CYSTM1: variants seen among roughly 807,000 people sequenced by gnomAD.
CYSTM1 encodes cysteine rich transmembrane module containing 1.
CYSTM1 carries 4 observed loss-of-function variants against 13.1 expected under a neutral mutation model. The observed-to-expected ratio is 0.31, with a 90% CI of 0.15 to 0.70. The LOEUF (loss-of-function observed/expected upper bound fraction) is 0.70. CYSTM1 is among the 30% of genes least tolerant of loss of function. The pLI, the probability that CYSTM1 is intolerant of heterozygous loss-of-function variation, is 0.72. For synonymous variants in CYSTM1, 36 were observed against 42.7 expected (o/e 0.84, Z 0.62); for missense variants, 96 against 121.6 (o/e 0.79, Z 0.99).
At chr5:140,186,148 C>G (rs181524796) in intron 1 of CYSTM1, among the ~76,000 whole-genome samples, 1 of 152,270 alleles carries the variant, frequency 6.6e-6, no homozygotes, top group Non-Finnish European at 1.5e-5. Flanking sequence ...TTCTTTACCT[C>G]TTATCTCCAG....
At chr5:140,210,072 CT>C (rs1764344120) in intron 2 of CYSTM1, among the ~76,000 whole-genome samples, 1 of 152,168 alleles carries the variant, frequency 6.6e-6, no homozygotes, top group East Asian at 1.9e-4. Flanking sequence ...AGTAATAATG[CT>C]CATAAAAATT....
chr5:140,179,379 C>A (rs1049200608), intron 1 of CYSTM1, among the ~76,000 whole-genome samples: 1 of 151,608 alleles, frequency 6.6e-6, no homozygotes, highest in African/African-American at 2.4e-5. Context: ...GCCAACATGG[C>A]GAAACCCTGT....
At chr5:140,210,384 A>C (rs1443632044) in intron 2 of CYSTM1, among the ~76,000 whole-genome samples, 1 of 152,218 alleles carries the variant, frequency 6.6e-6, no homozygotes, top group Non-Finnish European at 1.5e-5. Flanking sequence ...ATTAAATACC[A>C]GTAGTAGCAA....
chr5:140,212,042 A>G (rs568775896), intron 2 of CYSTM1, among the ~76,000 whole-genome samples: 44 of 152,326 alleles, frequency 2.9e-4, no homozygotes, highest in Admixed American at 5.9e-4. Flanking sequence ...GGTGCTTTGT[A>G]TACATTATCA....
chr5:140,206,762 C>T (rs1034653541), intron 2 of CYSTM1, among the ~76,000 whole-genome samples: 1 of 152,148 alleles, frequency 6.6e-6, no homozygotes, highest in Non-Finnish European at 1.5e-5. Flanking sequence ...TCCCAAGTAG[C>T]TGGGACCACA....
At chr5:140,226,766 C>T (rs1477087122) in intron 2 of CYSTM1, among the ~76,000 whole-genome samples, 1 of 117,472 alleles carries the variant, frequency 8.5e-6, no homozygotes, top group Non-Finnish European at 1.8e-5. Flanking sequence ...TACTCTGTCT[C>T]AAAAAAAAAA....
intron 1 of CYSTM1, among the ~76,000 whole-genome samples, chr5:140,179,159 C>G (rs1763928130): frequency 6.6e-6 from 1 of 151,922 alleles, no homozygotes. Flanking sequence ...ACTCAGGAGG[C>G]TGAGGTGGGA....
At chr5:140,200,062 G>T (rs757065878) in intron 2 of CYSTM1, 5 of 151,712 alleles carry the variant, frequency 3.3e-5, no homozygotes, top group Non-Finnish European at 5.9e-5. Flanking sequence ...CTCCCATATT[G>T]TAGGTTGCCT....
At chr5:140,238,554 T>C (rs914585352) in intron 2 of CYSTM1, among the ~76,000 whole-genome samples, 1 of 152,142 alleles carries the variant, frequency 6.6e-6, no homozygotes. Flanking sequence ...GGACATTTTG[T>C]TCTCATCAGT....
chr5:140,200,049 T>C (rs1764208632), intron 2 of CYSTM1: 1 of 152,196 alleles, frequency 6.6e-6, no homozygotes, highest in Non-Finnish European at 1.5e-5. Context: ...TTGCAAAAAT[T>C]TTCTCCCATA....
rs186194385 is a variant in CYSTM1, at chr5:140,181,352, C to G, written c.-21+6067C>G. On this transcript the variant is annotated intron_variant, in intron 1 of 2. Transcript: ENST00000261811. ...AACAGCCTTTCCTCCCCAACACCAC[C>G]CTCTCTAAAGCCAATCTAATCTTTG... Among the ~76,000 whole-genome samples the G allele has an allele frequency of 5.1e-3, 777 of 152,346 alleles. 1 individual carries two copies. Among genetic ancestry groups the G allele is most frequent in the Admixed American group, 7.8e-3 (119 of 15,306 alleles).
At chr5:140,189,429 A>G (rs758746478) in intron 1 of CYSTM1, among the ~76,000 whole-genome samples, 6 of 152,040 alleles carry the variant, frequency 3.9e-5, no homozygotes, top group African/African-American at 1.5e-4. Context: ...TGCCAGCACT[A>G]TGCTTCTTGT....
chr5:140,207,099 A>G (rs1023777302), intron 2 of CYSTM1, among the ~76,000 whole-genome samples: 12 of 152,210 alleles, frequency 7.9e-5, no homozygotes, highest in African/African-American at 2.4e-4. Flanking sequence ...GCATCTTTTA[A>G]GACTTTAGCT....
chr5:140,179,660 C>CT (rs1763939910), intron 1 of CYSTM1, among the ~76,000 whole-genome samples: 1 of 61,226 alleles, frequency 1.6e-5, no homozygotes, highest in South Asian at 3.3e-4. Context: ...TCTTTTTTTT[C>CT]TTTCTTTTCT....
intron 2 of CYSTM1, 51 bp from the exon 3 acceptor site, chr5:140,243,254 C>G (rs1456722249): frequency 2.0e-6 from 3 of 1,513,852 alleles, no homozygotes; most frequent in Non-Finnish European, 2.8e-6. Context: ...CTTTGCAGGG[C>G]CTGGGGTTTG....
chr5:140,236,839 A>G (rs1022978420), intron 2 of CYSTM1, among the ~76,000 whole-genome samples: 12 of 152,302 alleles, frequency 7.9e-5, no homozygotes, highest in African/African-American at 2.4e-4. Flanking sequence ...TGTTGGTCAT[A>G]GTTTTTTAAA....
At chr5:140,223,749 C>T (rs1764516466) in intron 2 of CYSTM1, among the ~76,000 whole-genome samples, 1 of 152,200 alleles carries the variant, frequency 6.6e-6, no homozygotes, top group South Asian at 2.1e-4. Context: ...GCTCATGAAT[C>T]AGGCAGCTAT....
At chr5:140,212,153 A>G (rs1764374968) in intron 2 of CYSTM1, among the ~76,000 whole-genome samples, 1 of 152,212 alleles carries the variant, frequency 6.6e-6, no homozygotes, top group Non-Finnish European at 1.5e-5. Context: ...AATAGTAACT[A>G]GCTGAGCTAT....
intron 2 of CYSTM1, among the ~76,000 whole-genome samples, chr5:140,231,271 A>G (rs1186475427): frequency 2.6e-5 from 4 of 152,320 alleles, no homozygotes; most frequent in Non-Finnish European, 1.5e-5. Flanking sequence ...TACTTGGTGG[A>G]AATAATTTAT....
Sources: gnomAD v4.1 joint callset for allele counts (sites outside exome capture counted in the v4.1 genomes callset) on GRCh38, gnomAD v4.1.1 for gene constraint, MANE v1.5 for transcripts, NCBI Gene and HGNC (gene_info 2026-07-23, HGNC 2026-07-21) for gene names.